SYT17: variants seen among roughly 807,000 people sequenced by gnomAD.
SYT17 encodes the protein synaptotagmin 17.
SYT17 carries 22 observed loss-of-function variants against 46.7 expected under a neutral mutation model. That is an observed-to-expected ratio of 0.47 (90% CI 0.34 to 0.67). SYT17 has a LOEUF of 0.67. Ranked by LOEUF, SYT17 falls within the 30% of genes least tolerant of loss-of-function variation. SYT17 has a pLI of 0.01. For missense variants in SYT17, 519 were observed against 612.8 expected (o/e 0.85, Z 1.62); for synonymous variants, 251 against 248.4 (o/e 1.01, Z -0.10).
intron 5 of SYT17, among the ~76,000 whole-genome samples, chr16:19,207,484 G>T (rs113790800): frequency 6.6e-6 from 1 of 152,048 alleles, no homozygotes; most frequent in East Asian, 1.9e-4. Context: ...GGAAGGCAAG[G>T]GGGGGAAAGA....
intron 7 of SYT17, among the ~76,000 whole-genome samples, chr16:19,245,275 A>T (rs1431560840): frequency 6.6e-6 from 1 of 152,178 alleles, no homozygotes; most frequent in African/African-American, 2.4e-5. Flanking sequence ...CAGCTCAGGG[A>T]TGCTACTGGC....
At chr16:19,241,525 G>A (rs1003277865) in intron 7 of SYT17, among the ~76,000 whole-genome samples, 4 of 152,174 alleles carry the variant, frequency 2.6e-5, no homozygotes, top group Non-Finnish European at 4.4e-5. Flanking sequence ...AGCCCTGGCC[G>A]TACCTCCTGG....
At chr16:19,261,783 T>C (rs572747259) in intron 7 of SYT17, among the ~76,000 whole-genome samples, 21 of 152,354 alleles carry the variant, frequency 1.4e-4, no homozygotes, top group Admixed American at 4.6e-4. Context: ...CTCCTAGCAA[T>C]ATGTGTTGGA....
At chr16:19,170,874 C>A (rs942832017) in intron 1 of SYT17, 1 of 152,194 alleles carries the variant, frequency 6.6e-6, no homozygotes, top group Admixed American at 6.5e-5. Flanking sequence ...CCAGTGCCTA[C>A]TGGGTTCCAC....
intron 6 of SYT17, among the ~76,000 whole-genome samples, 181 bp downstream of exon 6, chr16:19,223,346 A>G (rs1356711034): frequency 6.6e-6 from 1 of 152,180 alleles, no homozygotes; most frequent in Non-Finnish European, 1.5e-5. Context: ...TGGTTGTGAT[A>G]ACTACTGGAA....
intron 6 of SYT17, among the ~76,000 whole-genome samples, chr16:19,224,328 A>T (rs1966425080): frequency 6.6e-6 from 1 of 152,204 alleles, no homozygotes; most frequent in Non-Finnish European, 1.5e-5. Flanking sequence ...CAAATATTAG[A>T]TGGCTAAAGG....
Position 19,168,553 on chromosome 16 carries a change from T to C in SYT17, c.-94T>C, listed in dbSNP as rs1466508440. The stretch of plus-strand genomic sequence containing the variant: ...GCCACCGGCTGCCTTTTTCTTCCTT[T>C]CCCCCTTTGCTTTCTTCCCCCTCCG... On this transcript the variant is annotated 5_prime_UTR_variant, in exon 1 of 8. Transcript: ENST00000355377. The surrounding 1 kb of genome is among the most constrained non-coding windows in gnomAD (Gnocchi z 6.9). 2.0e-6 allele frequency: 3 copies of C among 1,524,726 alleles called. No individual in the cohort carries two copies. Among genetic ancestry groups the C allele is most frequent in the African/African-American group, 2.8e-5 (2 of 70,758 alleles). 94.4% of individuals were successfully genotyped at this position (1,524,726 alleles called of 1,614,324 possible). A position where few individuals can be genotyped will look rare whatever the true frequency, so the allele number is the denominator to read the frequency against.
At chr16:19,202,179 C>T (rs1204701915) in intron 5 of SYT17, among the ~76,000 whole-genome samples, 2 of 152,084 alleles carry the variant, frequency 1.3e-5, no homozygotes. Flanking sequence ...CATAAGATTG[C>T]CCCTGCTTCA....
At chr16:19,214,492 G>T (rs888075916) in intron 5 of SYT17, among the ~76,000 whole-genome samples, 1 of 152,246 alleles carries the variant, frequency 6.6e-6, no homozygotes, top group East Asian at 1.9e-4. Flanking sequence ...GAGCCACCAT[G>T]CTTGGCCCTC....
At chr16:19,197,716 G>A (rs1472521530) in intron 5 of SYT17, among the ~76,000 whole-genome samples, 2 of 152,106 alleles carry the variant, frequency 1.3e-5, no homozygotes, top group East Asian at 3.8e-4. Context: ...ATGAACCACC[G>A]TGACCTGCCT....
chr16:19,205,203 T>C (rs1596947659), intron 5 of SYT17, among the ~76,000 whole-genome samples: 1 of 152,174 alleles, frequency 6.6e-6, no homozygotes, highest in South Asian at 2.1e-4. Context: ...CAACATAAAA[T>C]CTAAATGAGA....
intron 7 of SYT17, among the ~76,000 whole-genome samples, chr16:19,242,781 G>A (rs190289510): frequency 6.6e-5 from 10 of 152,078 alleles, no homozygotes; most frequent in African/African-American, 2.2e-4. Flanking sequence ...TGCCCGTCTC[G>A]GCCTCCCAAA....
chr16:19,172,163 G>A (rs751191910), intron 1 of SYT17: 8 of 202,576 alleles, frequency 3.9e-5, no homozygotes, highest in Non-Finnish European at 7.4e-5. Flanking sequence ...ATGGGGAGGC[G>A]GGGTGGGGCC....
chr16:19,168,757 G>A lies in SYT17; in HGVS notation c.15+96G>A, dbSNP rs142399831. On this transcript the variant is annotated intron_variant, in intron 1 of 7. Transcript: ENST00000355377. This position sits in a 1 kb window ranked among gnomAD's most constrained non-coding sequence, Gnocchi z 6.9. ...CGCGGAAGGGAGGGCCCACGGCTAG[G>A]CTCCCACAAACTTGCTTCGAGAAAA... is the stretch of plus-strand genomic sequence containing the variant. 4,167 of 1,372,538 alleles carry A rather than the reference G, an allele frequency of 3.0e-3. 113 individuals are homozygous for A. The African/African-American group carries it at 0.057, about 19-fold the overall frequency. 85.0% of individuals were successfully genotyped at this position (1,372,538 alleles called of 1,614,324 possible). A position where few individuals can be genotyped will look rare whatever the true frequency, so the allele number is the denominator to read the frequency against.
intron 5 of SYT17, chr16:19,211,553 G>A (rs1965901633): frequency 1.5e-6 from 1 of 689,270 alleles, no homozygotes; most frequent in East Asian, 2.7e-5. Flanking sequence ...AAGCTTAGAT[G>A]AGGAGGTGAC....
At position 19,224,766 on chromosome 16, in the gene SYT17, C is replaced by T; in HGVS notation, c.1156C>T (p.Pro386Ser). The T allele has an allele frequency of 1.2e-6, 2 of 1,614,072 alleles. No individual in the cohort carries two copies. Among genetic ancestry groups the T allele is most frequent in the Non-Finnish European group, 1.7e-6 (2 of 1,179,992 alleles). The part of the protein sequence containing the change: ...KTSFLRGTID[P>S]FYNESFSFKV... Reference sequence around the variant, plus strand: ...GTCCTTCTTAAGGGGCACAATTGATCCTTTCTACAATGAATCCTTCAGCTT... The same window carrying T: ...GTCCTTCTTAAGGGGCACAATTGATTCTTTCTACAATGAATCCTTCAGCTT... Residue 386 changes from proline (P) to serine (S), a missense_variant, in exon 7 of 8, where the codon CCT (proline) becomes TCT (serine). Physicochemically the swap from Pro to Ser is moderately conservative, Grantham distance 74 (BLOSUM62 -1). Transcript: ENST00000355377.
Position 19,168,514 on chromosome 16 carries a change from C to T in SYT17, c.-133C>T, listed in dbSNP as rs1963952557. The T allele has an allele frequency of 3.9e-6, 5 of 1,288,398 alleles. No homozygotes were observed. In the Admixed American group the frequency reaches 6.5e-5, roughly 17 times the overall value. 79.8% of individuals were successfully genotyped at this position (1,288,398 alleles called of 1,614,324 possible). A position where few individuals can be genotyped will look rare whatever the true frequency, so the allele number is the denominator to read the frequency against. ...GGCGGGCGCCGCTCATCAGCCACGC[C>T]AGTCACGTCTGGGGCCACCGGCTGC... On this transcript the variant is annotated 5_prime_UTR_variant, in exon 1 of 8. Coordinates refer to ENST00000355377, the MANE Select transcript of SYT17 (RefSeq NM_016524.4). This position sits in a 1 kb window ranked among gnomAD's most constrained non-coding sequence, Gnocchi z 6.9.
At chr16:19,176,656 G>A (rs187895815) in intron 3 of SYT17, among the ~76,000 whole-genome samples, 3,225 of 127,154 alleles carry the variant, frequency 0.025, 75 homozygotes, top group African/African-American at 0.052. Context: ...GTGACTAGAG[G>A]GGAGGAAATT....
chr16:19,242,768 A>G (rs1183410532), intron 7 of SYT17, among the ~76,000 whole-genome samples: 1 of 152,010 alleles, frequency 6.6e-6, no homozygotes, highest in Non-Finnish European at 1.5e-5. Flanking sequence ...GGCTCAAGCA[A>G]TCTGCCCGTC....
Sources: allele counts gnomAD v4.1 joint callset (sites outside exome capture counted in the v4.1 genomes callset), GRCh38; gene constraint gnomAD v4.1.1; non-coding constraint Gnocchi (gnomAD v3.1); transcripts MANE v1.5; gene names NCBI Gene and HGNC (gene_info 2026-07-23, HGNC 2026-07-21).